The following TRDN variants were observed in gnomAD, a reference collection of about 807,000 sequenced individuals.
TRDN encodes the protein triadin.
In TRDN, 161 loss-of-function variants were observed where a neutral mutation model predicts 149.7. The observed-to-expected ratio is 1.08, with a 90% CI of 0.95 to 1.23. The LOEUF is 1.23. Among genes scored for constraint, TRDN ranks in the 50% most tolerant of loss-of-function variants. The pLI, the probability that TRDN is intolerant of heterozygous loss-of-function variation, is 0.00. For missense variants in TRDN, 896 were observed against 823.5 expected, an observed-to-expected ratio of 1.09 and a Z score of -1.08; for synonymous variants, 294 against 250.5, an observed-to-expected ratio of 1.17 and a Z score of -1.64.
chr6:123,225,521 C>A lies in TRDN; in HGVS notation c.1976-1390G>T, dbSNP rs1582741130. Among the ~76,000 whole-genome samples, 3 of 139,084 alleles carry A rather than the reference C, an allele frequency of 2.2e-5. No individual in the cohort carries two copies. In the East Asian group the frequency reaches 5.9e-4, roughly 27 times the overall value. The allele number at this position is 139,084 out of a possible 152,430, so 91.2% of individuals were successfully genotyped here. ...AATGTTCTCACCACACAGACACACA[C>A]ACACACACACACATACACACACATA... On this transcript the variant is annotated intron_variant, in intron 38 of 40. Coordinates refer to ENST00000334268, the MANE Select transcript of TRDN (RefSeq NM_006073.4).
In TRDN at chr6:123,218,641, C is replaced by T. The variant is rs1010894323; in HGVS notation, c.2150G>A (p.Gly717Asp). 22 of 1,611,526 alleles carry T rather than the reference C, an allele frequency of 1.4e-5. No homozygotes were observed. The highest frequency in any genetic ancestry group is 1.7e-5 in the Non-Finnish European group (20 of 1,178,544). ...CTTCTGTCCTGGAGAATTTGCTTGA[C>T]CAGAGCTCTCTCCAGGGCGGTCTGC... is the stretch of plus-strand genomic sequence containing the variant. Reference protein sequence around the residue: ...TPADRPGESSGQANSPGQKQQ... With the variant: ...TPADRPGESSDQANSPGQKQQ... Residue 717 changes from glycine (G) to aspartate (D), a missense_variant, in exon 41 of 41, where the codon GGT (glycine) becomes GAT (aspartate). Coordinates refer to ENST00000334268, the MANE Select transcript of TRDN (RefSeq NM_006073.4).
At chr6:123,244,142 C>T (rs78758621) in intron 38 of TRDN, among the ~76,000 whole-genome samples, 6,712 of 152,170 alleles carry the variant, frequency 0.044, 431 homozygotes, top group African/African-American at 0.15. Flanking sequence ...TGAGAAAAAG[C>T]TAGTGCAAAA....
intron 9 of TRDN, among the ~76,000 whole-genome samples, chr6:123,465,437 C>A (rs1189469238): frequency 6.6e-6 from 1 of 151,522 alleles, no homozygotes; most frequent in African/African-American, 2.4e-5. Flanking sequence ...AATTCATAGG[C>A]CTTTGATATT....
At chr6:123,581,521 A>ACAGG (rs1783122370) in intron 1 of TRDN, among the ~76,000 whole-genome samples, 1 of 152,236 alleles carries the variant, frequency 6.6e-6, no homozygotes, top group African/African-American at 2.4e-5. Flanking sequence ...AATCAGCTTT[A>ACAGG]AAAAGTGTCA....
chr6:123,244,480 G>A (rs1776103859), intron 38 of TRDN, among the ~76,000 whole-genome samples: 1 of 152,004 alleles, frequency 6.6e-6, no homozygotes, highest in Non-Finnish European at 1.5e-5. Flanking sequence ...CTGATCAGAA[G>A]AAGAAAAGGT....
At chr6:123,306,703 C>G (rs760010060) in intron 24 of TRDN, among the ~76,000 whole-genome samples, 1 of 152,050 alleles carries the variant, frequency 6.6e-6, no homozygotes, top group African/African-American at 2.4e-5. Context: ...TAAAATCTAT[C>G]CTTTCTTAAT....
chr6:123,530,125 G>C (rs1385865779), intron 5 of TRDN, among the ~76,000 whole-genome samples: 1 of 151,890 alleles, frequency 6.6e-6, no homozygotes, highest in East Asian at 1.9e-4. Flanking sequence ...AGATTGTAAA[G>C]ATATTGCATG....
chr6:123,441,647 T>C (rs576548419), intron 10 of TRDN, among the ~76,000 whole-genome samples: 75 of 152,308 alleles, frequency 4.9e-4, no homozygotes, highest in South Asian at 2.9e-3. Context: ...AACGACTTAC[T>C]TCTTACTTTC....
intron 32 of TRDN, 70 bp downstream of exon 32, chr6:123,267,637 T>A: frequency 2.7e-6 from 3 of 1,095,012 alleles, no homozygotes; most frequent in Non-Finnish European, 3.9e-6. Flanking sequence ...TTGTATGCAT[T>A]ACTTTAATTT....
intron 16 of TRDN, among the ~76,000 whole-genome samples, chr6:123,380,788 C>A (rs1194199044): frequency 2.0e-5 from 3 of 147,366 alleles, no homozygotes; most frequent in African/African-American, 7.6e-5. Flanking sequence ...TTGTGAAAGA[C>A]ATACATTAAG....
intron 38 of TRDN, among the ~76,000 whole-genome samples, chr6:123,233,385 G>T (rs181890396): frequency 1.2e-3 from 186 of 152,174 alleles, no homozygotes; most frequent in African/African-American, 4.3e-3. Flanking sequence ...AATAAACTAT[G>T]CAGGGAAATT....
chr6:123,422,988 A>G (rs1034499452), intron 12 of TRDN, among the ~76,000 whole-genome samples: 1 of 152,146 alleles, frequency 6.6e-6, no homozygotes, highest in African/African-American at 2.4e-5. Context: ...CACAAAGGAT[A>G]GTGGATTTTT....
At chr6:123,480,586 G>A (rs1483760321) in intron 9 of TRDN, among the ~76,000 whole-genome samples, 1 of 151,942 alleles carries the variant, frequency 6.6e-6, no homozygotes, top group Non-Finnish European at 1.5e-5. Flanking sequence ...ACTTTCCAGA[G>A]ATCCAACATG....
intron 19 of TRDN, among the ~76,000 whole-genome samples, chr6:123,366,666 C>T (rs1179987795): frequency 1.3e-5 from 2 of 152,010 alleles, no homozygotes; most frequent in South Asian, 2.1e-4. Context: ...TACAACCGCC[C>T]GCCACCATGC....
chr6:123,485,407 T>A (rs1235537398), intron 9 of TRDN, among the ~76,000 whole-genome samples: 1 of 152,138 alleles, frequency 6.6e-6, no homozygotes, highest in African/African-American at 2.4e-5. Flanking sequence ...ATCATCAAAT[T>A]TTTTTTCATT....
At chr6:123,427,170 TG>T (rs1774157657) in intron 12 of TRDN, among the ~76,000 whole-genome samples, 1 of 151,938 alleles carries the variant, frequency 6.6e-6, no homozygotes, top group Admixed American at 6.6e-5. Flanking sequence ...TTCACAGTGA[TG>T]TTTTTTGCTG....
At chr6:123,351,526 C>T in intron 21 of TRDN, 1 of 982,034 alleles carries the variant, frequency 1.0e-6, no homozygotes, top group Non-Finnish European at 1.2e-6. Context: ...AATTGGAAAA[C>T]ATTTTCCATG....
At chr6:123,390,596 T>C (rs555493385) in intron 13 of TRDN, among the ~76,000 whole-genome samples, 23 of 152,154 alleles carry the variant, frequency 1.5e-4, no homozygotes, top group South Asian at 6.2e-4. Context: ...AGCCATGTTA[T>C]CTACCAAGCT....
Position 123,251,718 on chromosome 6 carries a change from A to T in TRDN, c.1975+694T>A. ...TAAATATGGAAATAAAAAAGGATAA[A>T]TTGTTATTTCCTTGAATCTTAGGAA... On this transcript the variant is annotated intron_variant, in intron 38 of 40. Transcript: ENST00000334268. Among the ~76,000 whole-genome samples the T allele has an allele frequency of 1.3e-5, 2 of 151,950 alleles. 1 individual carries two copies. Among genetic ancestry groups the T allele is most frequent in the East Asian group, 3.9e-4 (2 of 5,186 alleles).
Sources: gnomAD v4.1 joint callset for allele counts (sites outside exome capture counted in the v4.1 genomes callset) on GRCh38, gnomAD v4.1.1 for gene constraint, MANE v1.5 for transcripts, NCBI Gene and HGNC (gene_info 2026-07-23, HGNC 2026-07-21) for gene names.